The following IGF2BP2 variants were observed in gnomAD, a reference collection of about 807,000 sequenced individuals.
IGF2BP2 encodes the protein insulin-like growth factor 2 mRNA-binding protein 2.
A neutral mutation model predicts 75.8 loss-of-function variants in IGF2BP2; 17 were observed. The ratio of observed to expected loss-of-function variants is 0.22; its 90% CI spans 0.15 to 0.34. The LOEUF (loss-of-function observed/expected upper bound fraction) is 0.34. Ranked by LOEUF, IGF2BP2 falls within the 10% of genes least tolerant of loss-of-function variation. The pLI is 1.00. For missense variants in IGF2BP2, 516 were observed against 772.4 expected, an observed-to-expected ratio of 0.67 and a Z score of 3.93; for synonymous variants, 288 against 295.6, an observed-to-expected ratio of 0.97 and a Z score of 0.26.
At chr3:185,675,653 T>C (rs981205926) in intron 8 of IGF2BP2, 138 bp downstream of exon 8, 2 of 1,226,030 alleles carry the variant, frequency 1.6e-6, no homozygotes, top group Non-Finnish European at 2.3e-6. Flanking sequence ...TTATGTATTT[T>C]TTTAAAAGAT....
In IGF2BP2 at chr3:185,812,975, C is replaced by T. The variant is rs1436818368; in HGVS notation, c.239+10178G>A. Among the ~76,000 whole-genome samples the T allele has an allele frequency of 2.0e-5, 3 of 152,192 alleles. No homozygotes were observed. In the East Asian group the frequency reaches 5.8e-4, roughly 29 times the overall value. Reference sequence around the variant, plus strand: ...TCAATTTCAATATCTAAATCATTTTCTTGAAACCATTATTGAAATAGACAC... The same window carrying T: ...TCAATTTCAATATCTAAATCATTTTTTTGAAACCATTATTGAAATAGACAC... On this transcript the variant is annotated intron_variant, in intron 2 of 15. Transcript: ENST00000382199.
intron 7 of IGF2BP2, among the ~76,000 whole-genome samples, 159 bp downstream of exon 7, chr3:185,686,898 T>C (rs1213047517): frequency 1.3e-5 from 2 of 151,964 alleles, no homozygotes; most frequent in Non-Finnish European, 2.9e-5. Flanking sequence ...TACTTCCCAC[T>C]GTATTCTACT....
At position 185,645,662 on chromosome 3, in the gene IGF2BP2, A is replaced by T; in HGVS notation, c.1708-39T>A. 5.3e-6 allele frequency: 8 copies of T among 1,516,380 alleles called. No individual in the cohort carries two copies. The highest frequency in any genetic ancestry group is 7.3e-6 in the Non-Finnish European group (8 of 1,091,616). The allele number at this position is 1,516,380 out of a possible 1,614,324, so 93.9% of individuals were successfully genotyped here. On this transcript the variant is annotated intron_variant, in intron 15 of 15. Transcript: ENST00000382199. This position sits in a 1 kb window ranked among gnomAD's most constrained non-coding sequence, Gnocchi z 4.9. Reference sequence around the variant, plus strand: ...GAGAAGGGAGAGGAAGGGACAGGGGAAAAAAGGAACCCAGTTCTGAGGACA... The same window carrying T: ...GAGAAGGGAGAGGAAGGGACAGGGGTAAAAAGGAACCCAGTTCTGAGGACA...
Position 185,689,405 on chromosome 3 carries a change from G to A in IGF2BP2, c.627C>T (p.Ile209=), listed in dbSNP as rs1387689865. The A allele has an allele frequency of 2.5e-6, 4 of 1,613,914 alleles. No individual in the cohort carries two copies. Among genetic ancestry groups the A allele is most frequent in the South Asian group, 2.2e-5 (2 of 91,060 alleles). The change falls in exon 6 of 16, where the codon ATC becomes ATT. Residue 209 remains isoleucine (I), a synonymous_variant. Coordinates refer to ENST00000382199, the MANE Select transcript of IGF2BP2 (RefSeq NM_006548.6). ...LVPTQFVGAI[I]GKEGLTIKNI... ...TCTTTATGGTCAAGCCCTCCTTTCC[G>A]ATGATGGCACCAACAAACTGGGTGG...
At chr3:185,718,897 T>G (rs951586186) in intron 2 of IGF2BP2, among the ~76,000 whole-genome samples, 1 of 152,078 alleles carries the variant, frequency 6.6e-6, no homozygotes, top group Non-Finnish European at 1.5e-5. Context: ...GATGGGCTAT[T>G]CTGGGCTTCC....
At chr3:185,803,044 A>G (rs1738493514) in intron 2 of IGF2BP2, among the ~76,000 whole-genome samples, 1 of 152,212 alleles carries the variant, frequency 6.6e-6, no homozygotes, top group Non-Finnish European at 1.5e-5. Flanking sequence ...ATGTCAAGTG[A>G]TCAAACATTA....
At chr3:185,725,299 G>C (rs1170385245) in intron 2 of IGF2BP2, among the ~76,000 whole-genome samples, 1 of 152,178 alleles carries the variant, frequency 6.6e-6, no homozygotes, top group Non-Finnish European at 1.5e-5. Flanking sequence ...GATGGCCATG[G>C]AAAGGTTTGA....
In IGF2BP2 at chr3:185,742,879, T is replaced by A. The variant is rs185664860; in HGVS notation, c.240-44532A>T. ...ACTTTGGGCGGCTGAGGCGGGCAGATCACGAGGTCAGGAGTTCGAGACCAG... is the reference window on the plus strand; with the variant it reads ...ACTTTGGGCGGCTGAGGCGGGCAGAACACGAGGTCAGGAGTTCGAGACCAG... On this transcript the variant is annotated intron_variant, in intron 2 of 15. Coordinates refer to ENST00000382199, the MANE Select transcript of IGF2BP2 (RefSeq NM_006548.6). 4.4e-3 allele frequency among the ~76,000 whole-genome samples: 668 copies of A among 152,008 alleles called. 4 individuals are homozygous for A. Among genetic ancestry groups the A allele is most frequent in the Non-Finnish European group, 6.5e-3 (441 of 67,940 alleles).
intron 10 of IGF2BP2, among the ~76,000 whole-genome samples, chr3:185,659,165 G>A (rs1289461414): frequency 6.6e-6 from 1 of 152,098 alleles, no homozygotes; most frequent in African/African-American, 2.4e-5. Context: ...GCTGCAGTGA[G>A]CTATGATTGC....
chr3:185,676,992 A>AT (rs1230811017), intron 7 of IGF2BP2, among the ~76,000 whole-genome samples: 6 of 135,940 alleles, frequency 4.4e-5, no homozygotes, highest in East Asian at 2.1e-4. Flanking sequence ...ATATGGAGAT[A>AT]TATATATATG....
At chr3:185,803,961 T>TA (rs1489186371) in intron 2 of IGF2BP2, among the ~76,000 whole-genome samples, 2 of 151,650 alleles carry the variant, frequency 1.3e-5, no homozygotes, top group Non-Finnish European at 2.9e-5. Flanking sequence ...CTATCTCTAC[T>TA]AAAAGTACAA....
chr3:185,672,588 C>A lies in IGF2BP2; in HGVS notation c.1153G>T (p.Ala385Ser), dbSNP rs761945044. 30 of 1,613,544 alleles carry A rather than the reference C, an allele frequency of 1.9e-5. No individual in the cohort carries two copies. In the South Asian group the frequency reaches 3.0e-4, roughly 16 times the overall value. Residue 385 changes from alanine to serine, a missense_variant, in exon 10 of 16, where the codon GCA becomes TCA. By Grantham distance (99) the Ala-to-Ser change is moderately conservative. Around this residue, in one of 3 missense-constraint regions of IGF2BP2, gnomAD observed 75 missense variants for 67.4 expected, o/e 1.11. Transcript: ENST00000382199. Reference sequence around the variant, plus strand: ...GCGGGGGGAGCTCCGCGGGGCCCTGCTGGTGGAGATAGCACGGACAGTCCT... The same window carrying A: ...GCGGGGGGAGCTCCGCGGGGCCCTGATGGTGGAGATAGCACGGACAGTCCT... ...STGLSVLSPPAGPRGAPPAAP... is the reference protein window; with the variant it reads ...STGLSVLSPPSGPRGAPPAAP...
intron 2 of IGF2BP2, 109 bp from the exon 3 acceptor site, chr3:185,698,456 C>G (rs1722861896): frequency 8.2e-6 from 8 of 972,836 alleles, no homozygotes; most frequent in Non-Finnish European, 9.5e-6. Context: ...TCACTGTGTT[C>G]ACCATGGCAT....
At chr3:185,799,118 G>C (rs1737838953) in intron 2 of IGF2BP2, among the ~76,000 whole-genome samples, 1 of 151,780 alleles carries the variant, frequency 6.6e-6, no homozygotes, top group African/African-American at 2.4e-5. Flanking sequence ...AGAAGCTGCA[G>C]GCCGGGCACA....
intron 15 of IGF2BP2, among the ~76,000 whole-genome samples, chr3:185,646,155 TCAGA>T (rs756926655): frequency 8.5e-5 from 13 of 152,266 alleles, no homozygotes; most frequent in Non-Finnish European, 1.6e-4. Flanking sequence ...AACAGGCTGT[TCAGA>T]CACATTCCCA....
chr3:185,799,531 G>A (rs1308395670), intron 2 of IGF2BP2, among the ~76,000 whole-genome samples: 1 of 152,102 alleles, frequency 6.6e-6, no homozygotes, highest in Non-Finnish European at 1.5e-5. Context: ...GGCGGATCAC[G>A]AGGTCAGGAG....
At chr3:185,712,770 G>C (rs992350158) in intron 2 of IGF2BP2, 1 of 151,576 alleles carries the variant, frequency 6.6e-6, no homozygotes, top group Admixed American at 6.6e-5. Flanking sequence ...AATTTTGTTT[G>C]GGTCACAATT....
chr3:185,804,652 C>T (rs1352071188), intron 2 of IGF2BP2, among the ~76,000 whole-genome samples: 1 of 151,970 alleles, frequency 6.6e-6, no homozygotes, highest in East Asian at 1.9e-4. Flanking sequence ...CTGCTCTTCC[C>T]TTTACCGCAA....
Position 185,643,769 on chromosome 3 carries a change from CTTT to C in IGF2BP2, c.*1759_*1761del, listed in dbSNP as rs1364040148. On this transcript the variant is annotated 3_prime_UTR_variant, in exon 16 of 16. Coordinates refer to ENST00000382199, the MANE Select transcript of IGF2BP2 (RefSeq NM_006548.6). ...TTAGCTGGATATATTTCTGTTTTTT[CTTT>C]TTTTTTCTTTTTTTTTTTTTTTTTT... The C allele has an allele frequency of 4.2e-5, 5 of 120,412 alleles. No homozygotes were observed. The highest frequency in any genetic ancestry group is 1.6e-4 in the African/African-American group (5 of 30,842). The allele number at this position is 120,412 out of a possible 1,614,324, so 7.5% of individuals were successfully genotyped here. A position where few individuals can be genotyped will look rare whatever the true frequency, so the allele number is the denominator to read the frequency against.
Sources: gnomAD v4.1 joint callset for allele counts (sites outside exome capture counted in the v4.1 genomes callset) on GRCh38, gnomAD v4.1.1 for gene constraint, gnomAD v4.1.1 regional missense constraint, Gnocchi (gnomAD v3.1) non-coding constraint, MANE v1.5 for transcripts, NCBI Gene and HGNC (gene_info 2026-07-23, HGNC 2026-07-21) for gene names.